OXR1: variants seen among roughly 807,000 people sequenced by gnomAD.
OXR1 encodes the protein oxidation resistance 1, also known as oxidation resistance protein 1.
OXR1 carries 41 observed loss-of-function variants against 104.6 expected under a neutral mutation model. That is an observed-to-expected ratio of 0.39 (90% confidence interval 0.31 to 0.51). The LOEUF (loss-of-function observed/expected upper bound fraction) is 0.51. OXR1 is among the 20% of genes least tolerant of loss of function. OXR1 has a pLI of 0.77. For synonymous variants in OXR1, 348 were observed against 348.4 expected, an observed-to-expected ratio of 1.00 and a Z score of 0.01; for missense variants, 955 against 1,031.9, an observed-to-expected ratio of 0.93 and a Z score of 1.02.
At chr8:106,545,437 CAAAAGAA>C (rs1431943025) in intron 3 of OXR1, among the ~76,000 whole-genome samples, 1 of 151,846 alleles carries the variant, frequency 6.6e-6, no homozygotes, top group Non-Finnish European at 1.5e-5. Flanking sequence ...GTAGCAAAAA[CAAAAGAA>C]AAAACTATAA....
intron 2 of OXR1, among the ~76,000 whole-genome samples, chr8:106,463,066 C>T (rs1820994433): frequency 1.3e-5 from 2 of 152,014 alleles, no homozygotes; most frequent in South Asian, 4.1e-4. Flanking sequence ...ACCCATAAGT[C>T]ACCTCCACTC....
chr8:106,598,946 C>G (rs1248035228), intron 3 of OXR1, among the ~76,000 whole-genome samples: 1 of 152,078 alleles, frequency 6.6e-6, no homozygotes, highest in East Asian at 1.9e-4. Flanking sequence ...TTTCTCGTGT[C>G]CTTAATTTTA....
At chr8:106,715,201 G>A (rs1351838937) in intron 11 of OXR1, among the ~76,000 whole-genome samples, 1 of 151,834 alleles carries the variant, frequency 6.6e-6, no homozygotes, top group Non-Finnish European at 1.5e-5. Flanking sequence ...AAAGAAGCCT[G>A]ACACAAATGA....
intron 3 of OXR1, among the ~76,000 whole-genome samples, chr8:106,646,116 C>A (rs1403346128): frequency 3.4e-5 from 5 of 145,296 alleles, no homozygotes; most frequent in Non-Finnish European, 7.6e-5. Context: ...TTTTTTTTTT[C>A]TTTTTTTGAG....
chr8:106,720,228 A>G (rs1260184240), intron 11 of OXR1, among the ~76,000 whole-genome samples: 2 of 152,212 alleles, frequency 1.3e-5, no homozygotes, highest in Admixed American at 6.5e-5. Context: ...CCTTTGCATC[A>G]TGATGGGGAG....
chr8:106,701,068 C>T (rs1830548585), intron 7 of OXR1, among the ~76,000 whole-genome samples: 1 of 152,058 alleles, frequency 6.6e-6, no homozygotes, highest in African/African-American at 2.4e-5. Flanking sequence ...ACTTTACCAT[C>T]TCTCATTGAC....
intron 2 of OXR1, among the ~76,000 whole-genome samples, chr8:106,387,970 G>C (rs562956315): frequency 6.6e-6 from 1 of 152,168 alleles, no homozygotes; most frequent in Admixed American, 6.5e-5. Context: ...TTCTCTTACA[G>C]CCTAAAATAG....
chr8:106,328,170 A>G (rs188050843), intron 1 of OXR1, among the ~76,000 whole-genome samples: 41 of 152,278 alleles, frequency 2.7e-4, no homozygotes, highest in Admixed American at 9.8e-4. Flanking sequence ...ATAGCTAACA[A>G]TCCAGTGTTT....
At chr8:106,432,427 A>G (rs1819398099) in intron 2 of OXR1, among the ~76,000 whole-genome samples, 1 of 152,128 alleles carries the variant, frequency 6.6e-6, no homozygotes, top group Non-Finnish European at 1.5e-5. Flanking sequence ...CTCCTGGTGC[A>G]CTGGCCTCTT....
intron 3 of OXR1, among the ~76,000 whole-genome samples, chr8:106,616,210 T>C (rs1334936409): frequency 6.8e-6 from 1 of 147,998 alleles, no homozygotes; most frequent in Admixed American, 6.8e-5. Context: ...CCTGGCTAAT[T>C]TTTTGGAATT....
At chr8:106,713,415 GA>G in intron 10 of OXR1, among the ~76,000 whole-genome samples, 1 of 151,810 alleles carries the variant, frequency 6.6e-6, no homozygotes, top group Non-Finnish European at 1.5e-5. Flanking sequence ...TATTAACTTG[GA>G]AAATTGTATA....
At chr8:106,557,520 A>C (rs1816369010) in intron 3 of OXR1, among the ~76,000 whole-genome samples, 1 of 151,120 alleles carries the variant, frequency 6.6e-6, no homozygotes, top group African/African-American at 2.4e-5. Flanking sequence ...AGCAGAAAGC[A>C]TGGTAAAACT....
At chr8:106,690,256 C>A (rs1310829098) in intron 6 of OXR1, among the ~76,000 whole-genome samples, 1 of 150,338 alleles carries the variant, frequency 6.7e-6, no homozygotes, top group East Asian at 1.9e-4. Flanking sequence ...ATATCAATAC[C>A]ACTCAAATGT....
intron 1 of OXR1, among the ~76,000 whole-genome samples, chr8:106,303,856 T>C (rs1813367309): frequency 6.6e-6 from 1 of 152,240 alleles, no homozygotes; most frequent in Non-Finnish European, 1.5e-5. Context: ...GTATCATATG[T>C]ATTTCAGTAA....
At chr8:106,573,646 G>A (rs1279971968) in intron 3 of OXR1, among the ~76,000 whole-genome samples, 1 of 152,162 alleles carries the variant, frequency 6.6e-6, no homozygotes. Flanking sequence ...TTATATTGCT[G>A]TGACTTCATG....
rs924909086 is a variant in OXR1 at position 106,346,964 on chromosome 8, A to G, written c.-138-12512A>G. Among the ~76,000 whole-genome samples the G allele has an allele frequency of 2.0e-5, 3 of 152,312 alleles. No homozygotes were observed. The South Asian group carries it at 6.2e-4, about 32-fold the overall frequency. On this transcript the variant is annotated intron_variant, in intron 1 of 16. Coordinates refer to ENST00000517566, the MANE Select transcript of OXR1 (RefSeq NM_001198533.2). The stretch of plus-strand genomic sequence containing the variant: ...AGGCTGAGGCAGGAGAATGGCGTGA[A>G]CCCAGGAGGTGGAGCTTGCAGTGAG...
intron 3 of OXR1, among the ~76,000 whole-genome samples, chr8:106,675,348 A>G (rs937155789): frequency 3.1e-4 from 47 of 152,208 alleles, no homozygotes; most frequent in African/African-American, 9.4e-4. Context: ...GTGTGCATGT[A>G]TGCATACACA....
At chr8:106,391,597 C>T (rs1817588132) in intron 2 of OXR1, among the ~76,000 whole-genome samples, 2 of 151,980 alleles carry the variant, frequency 1.3e-5, no homozygotes, top group South Asian at 4.1e-4. Context: ...TTTTTATATA[C>T]CACAACAAAT....
chr8:106,595,550 C>CAAAA lies in OXR1; in HGVS notation c.220+76428_220+76431dup, dbSNP rs67790797. ...GGGCGACAAGAGTGAAACTCCGTCTCAAAAAAAAAAAAAAAAAAAAGAAAA... is the reference window on the plus strand; with the variant it reads ...GGGCGACAAGAGTGAAACTCCGTCTCAAAAAAAAAAAAAAAAAAAAAAAAGAAAA... On this transcript the variant is annotated intron_variant, in intron 3 of 16. Transcript: ENST00000517566. Among the ~76,000 whole-genome samples the CAAAA allele has an allele frequency of 3.6e-4, 22 of 60,654 alleles. 1 individual carries two copies. The highest frequency in any genetic ancestry group is 8.0e-4 in the African/African-American group (15 of 18,782). The allele number at this position is 60,654 out of a possible 152,430, so 39.8% of individuals were successfully genotyped here.
Sources: gnomAD v4.1 joint callset for allele counts (sites outside exome capture counted in the v4.1 genomes callset) on GRCh38, gnomAD v4.1.1 for gene constraint, MANE v1.5 for transcripts, NCBI Gene and HGNC (gene_info 2026-07-23, HGNC 2026-07-21) for gene names.